The following DZIP1L variants were observed in gnomAD, a reference collection of about 807,000 sequenced individuals.
The protein encoded by DZIP1L is cilium assembly protein DZIP1L.
Under a neutral mutation model 88.7 loss-of-function variants are expected in DZIP1L, and 90 were observed. The ratio of observed to expected loss-of-function variants is 1.02; its 90% confidence interval spans 0.86 to 1.21. The LOEUF (loss-of-function observed/expected upper bound fraction) is 1.21. Among genes scored for constraint, DZIP1L ranks in the 50% most tolerant of loss-of-function variants. DZIP1L has a pLI of 0.00. For missense variants in DZIP1L, 932 were observed against 955.8 expected (o/e 0.98, Z 0.33); for synonymous variants, 363 against 372.1 (o/e 0.98, Z 0.28).
chr3:138,074,477 G>A (rs1028513714), intron 11 of DZIP1L, among the ~76,000 whole-genome samples: 28 of 152,284 alleles, frequency 1.8e-4, no homozygotes, highest in South Asian at 2.1e-4. Flanking sequence ...ATAAATGAAA[G>A]AAAGATACAG....
chr3:138,099,810 C>A (rs1217838568), intron 2 of DZIP1L, among the ~76,000 whole-genome samples: 1 of 152,206 alleles, frequency 6.6e-6, no homozygotes, highest in African/African-American at 2.4e-5. Flanking sequence ...GGAGTGAAAG[C>A]AGCCAGAGGC....
chr3:138,092,503 T>G lies in DZIP1L; in HGVS notation c.750A>C (p.Lys250Asn). The G allele has an allele frequency of 1.2e-6, 2 of 1,603,290 alleles. No homozygotes were observed. The highest frequency in any genetic ancestry group is 1.7e-6 in the Non-Finnish European group (2 of 1,176,926). Residue 250 changes from lysine (K) to asparagine (N), a missense_variant, in exon 5 of 16, where the codon AAA (lysine) becomes AAC (asparagine). Lys to Asn is a moderately conservative substitution (Grantham distance 94). Coordinates refer to ENST00000327532, the MANE Select transcript of DZIP1L (RefSeq NM_173543.3). ...CTTGCTCTTTCCATTTATCAAATTC[T>G]TTCTTAGCTTCTATTTCCCTCTGAT... ...LIHQREIEAK[K>N]EFDKWKEQEW...
intron 14 of DZIP1L, among the ~76,000 whole-genome samples, chr3:138,066,540 A>G (rs1053860853): frequency 6.6e-6 from 1 of 152,190 alleles, no homozygotes; most frequent in African/African-American, 2.4e-5. Flanking sequence ...GTCTTGGGCC[A>G]GTCATAATGT....
chr3:138,084,126 G>A lies in DZIP1L; in HGVS notation c.1190C>T (p.Ser397Phe), dbSNP rs779489906. Reference sequence around the variant, plus strand: ...GGGCAGACCTACCATCTCCTCCTGGGAGGCAATGATCCTAGCTTGTTCCTG... The same window carrying A: ...GGGCAGACCTACCATCTCCTCCTGGAAGGCAATGATCCTAGCTTGTTCCTG... ...QLQEQARIIA[S>F]QEEMIQSLSL... Residue 397 changes from serine to phenylalanine, a missense_variant, in exon 8 of 16, where the codon TCC becomes TTC. By Grantham distance (155) the Ser-to-Phe change is radical (BLOSUM62 -2). Coordinates refer to ENST00000327532, the MANE Select transcript of DZIP1L (RefSeq NM_173543.3). The A allele has an allele frequency of 1.8e-5, 29 of 1,613,974 alleles. No homozygotes were observed. The South Asian group carries it at 2.6e-4, about 15-fold the overall frequency.
At chr3:138,106,656 AC>A (rs1261085262) in intron 1 of DZIP1L, among the ~76,000 whole-genome samples, 1 of 148,392 alleles carries the variant, frequency 6.7e-6, no homozygotes, top group Non-Finnish European at 1.5e-5. Flanking sequence ...ACATGGTGAA[AC>A]CCCGTCTCTA....
In DZIP1L at chr3:138,097,975, A is replaced by C. The variant is rs7629243; in HGVS notation, c.502-128T>G. ...GCTTCAGAAATAAAGAATTTAATTT[A>C]CTGAGCAAGGCAATGATGTCAGCCC... On this transcript the variant is annotated intron_variant, in intron 2 of 15. Transcript: ENST00000327532. 0.65 allele frequency: 481,943 copies of C among 735,876 alleles called. 163,487 individuals are homozygous for C. Among genetic ancestry groups the C allele is most frequent in the Non-Finnish European group, 0.71 (307,913 of 435,348 alleles). The allele number at this position is 735,876 out of a possible 1,614,324, so 45.6% of individuals were successfully genotyped here.
At chr3:138,084,367 T>G (rs1013119679) in intron 7 of DZIP1L, 114 bp from the exon 8 acceptor site, 2 of 1,383,282 alleles carry the variant, frequency 1.4e-6, no homozygotes, top group Non-Finnish European at 1.9e-6. Flanking sequence ...TAAAGGATTT[T>G]GAGACCTGGA....
chr3:138,101,491 A>T (rs2042310568), intron 2 of DZIP1L: 1 of 776,166 alleles, frequency 1.3e-6, no homozygotes. Context: ...CTTGGGCAGG[A>T]CGTCAGAGGA....
In DZIP1L at chr3:138,067,513, C is replaced by G. The variant is rs757943114; in HGVS notation, c.2002+18G>C. On this transcript the variant is annotated intron_variant, in intron 14 of 15. Transcript: ENST00000327532. Reference sequence around the variant, plus strand: ...ACACCGGTGGTCCCAGCCCACTCACCCAAAGGTGCCAGCTCACCTGAGCCC... The same window carrying G: ...ACACCGGTGGTCCCAGCCCACTCACGCAAAGGTGCCAGCTCACCTGAGCCC... 2 of 1,578,174 alleles carry G rather than the reference C, an allele frequency of 1.3e-6. No homozygotes were observed. The highest frequency in any genetic ancestry group is 2.4e-5 in the East Asian group (1 of 42,056).
chr3:138,101,979 T>C (rs1280451962), intron 2 of DZIP1L: 10 of 1,542,092 alleles, frequency 6.5e-6, no homozygotes, highest in Non-Finnish European at 8.9e-6. Context: ...CCGGCTGATG[T>C]TCTGGTTCAT....
At chr3:138,097,699 CT>C (rs1944543871) in intron 3 of DZIP1L, 63 bp downstream of exon 3, 3 of 1,488,422 alleles carry the variant, frequency 2.0e-6, no homozygotes, top group Admixed American at 3.9e-5. Flanking sequence ...TCACCACCCA[CT>C]GAATACCAGC....
At position 138,103,599 on chromosome 3, in the gene DZIP1L, C is replaced by G; in HGVS notation, c.373G>C (p.Gly125Arg). ...GCCTGGCGTCCCAGCTCCTGCTGAC[C>G]ACGCTGCTGCTGGCCCAGGCTGGTC... ...LQTSLGQQQR[G>R]QQELGRQADE... The change falls in exon 2 of 16, where the codon GGT becomes CGT. Residue 125 changes from glycine to arginine, a missense_variant. Physicochemically the swap from Gly to Arg is moderately radical, Grantham distance 125. Transcript: ENST00000327532. The G allele has an allele frequency of 6.2e-7, 1 of 1,607,060 alleles. No homozygotes were observed. Among genetic ancestry groups the G allele is most frequent in the Non-Finnish European group, 8.5e-7 (1 of 1,179,412 alleles).
chr3:138,099,621 T>C (rs1944633914), intron 2 of DZIP1L, among the ~76,000 whole-genome samples: 1 of 152,132 alleles, frequency 6.6e-6, no homozygotes, highest in Admixed American at 6.6e-5. Flanking sequence ...GTGGGAGGTA[T>C]CTGGGTCATG....
At chr3:138,085,523 C>A (rs892976273) in intron 7 of DZIP1L, among the ~76,000 whole-genome samples, 4 of 152,106 alleles carry the variant, frequency 2.6e-5, no homozygotes, top group South Asian at 2.1e-4. Flanking sequence ...GCATCACTGG[C>A]CATCAGAGAA....
chr3:138,069,098 T>A (rs2107737563), intron 12 of DZIP1L: 1 of 909,592 alleles, frequency 1.1e-6, no homozygotes, highest in East Asian at 2.8e-5. Flanking sequence ...TATACGTGGA[T>A]TTTCTTCCGA....
intron 5 of DZIP1L, among the ~76,000 whole-genome samples, chr3:138,090,927 A>G (rs1023534249): frequency 2.0e-5 from 3 of 150,418 alleles, no homozygotes; most frequent in African/African-American, 7.4e-5. Context: ...TCTGTCACCC[A>G]GGCAGGGGTG....
chr3:138,085,613 G>A (rs1223484566), intron 7 of DZIP1L, among the ~76,000 whole-genome samples: 3 of 152,150 alleles, frequency 2.0e-5, no homozygotes, highest in Admixed American at 6.5e-5. Flanking sequence ...AACAACAGGT[G>A]CTGGAGAGGA....
intron 3 of DZIP1L, among the ~76,000 whole-genome samples, chr3:138,096,049 C>A (rs530874310): frequency 5.0e-4 from 76 of 152,028 alleles, no homozygotes; most frequent in Non-Finnish European, 9.7e-4. Context: ...AAATTCTAAG[C>A]CTTTTCCTTG....
intron 12 of DZIP1L, chr3:138,068,941 A>C (rs1422158302): frequency 6.4e-6 from 8 of 1,254,638 alleles, no homozygotes; most frequent in Non-Finnish European, 8.0e-6. Flanking sequence ...ATGGGAAGAG[A>C]AGAGAGAGAG....
Sources: gnomAD v4.1 joint callset for allele counts (sites outside exome capture counted in the v4.1 genomes callset) on GRCh38, gnomAD v4.1.1 for gene constraint, MANE v1.5 for transcripts, NCBI Gene and HGNC (gene_info 2026-07-23, HGNC 2026-07-21) for gene names.